TASOR2: variants seen among roughly 807,000 people sequenced by gnomAD.
The protein encoded by TASOR2 is transcription activation suppressor family member 2.
TASOR2 carries 84 observed loss-of-function variants against 199.5 expected under a neutral mutation model. The observed-to-expected ratio is 0.42, with a 90% CI of 0.35 to 0.50. TASOR2 has a LOEUF of 0.50. TASOR2 is among the 20% of genes least tolerant of loss of function. The pLI is 0.02. For synonymous variants in TASOR2, 1,103 were observed against 1,046.6 expected, an observed-to-expected ratio of 1.05 and a Z score of -1.04; for missense variants, 2,796 against 2,835.9, an observed-to-expected ratio of 0.99 and a Z score of 0.32.
chr10:5,717,166 CACAT>C (rs1215736111), intron 2 of TASOR2, among the ~76,000 whole-genome samples: 1 of 151,896 alleles, frequency 6.6e-6, no homozygotes, highest in Non-Finnish European at 1.5e-5. Context: ...TCTTCAAAAA[CACAT>C]ACACTGGGGT....
intron 8 of TASOR2, among the ~76,000 whole-genome samples, chr10:5,725,483 A>G (rs1477618167): frequency 3.3e-5 from 5 of 151,376 alleles, no homozygotes; most frequent in Admixed American, 2.0e-4. Flanking sequence ...TGTAGTCCCT[A>G]AAGTCTGGCA....
chr10:5,718,817 A>G (rs915025982), intron 3 of TASOR2, among the ~76,000 whole-genome samples: 2 of 150,936 alleles, frequency 1.3e-5, no homozygotes, highest in Non-Finnish European at 2.9e-5. Flanking sequence ...TACAATCACT[A>G]GTTTTCCTCC....
chr10:5,758,842 A>G, intron 17 of TASOR2, 45 bp from the exon 19 acceptor site: 1 of 1,450,268 alleles, frequency 6.9e-7, no homozygotes, highest in Non-Finnish European at 9.7e-7. Context: ...AGCCAAAAGT[A>G]CCTTAAACTT....
intron 18 of TASOR2, among the ~76,000 whole-genome samples, chr10:5,759,269 T>G (rs2797496): frequency 0.31 from 46,877 of 152,024 alleles, 8,035 homozygotes; most frequent in East Asian, 0.6. Flanking sequence ...ACTACAAACT[T>G]TAAAAAATAT....
At position 5,752,780 on chromosome 10, in the gene TASOR2, C is replaced by T. The variant is rs1424791596; in HGVS notation, c.6606+2753C>T. Reference sequence around the variant, plus strand: ...TGGCAAACACCACAGGGAACAGCCTCCTTGTGCCAGAGGGCTGGTCAGAGT... The same window carrying T: ...TGGCAAACACCACAGGGAACAGCCTTCTTGTGCCAGAGGGCTGGTCAGAGT... On this transcript the variant is annotated intron_variant, in intron 15 of 20. Transcript: ENST00000328090. The surrounding 1 kb of genome is among the most constrained non-coding windows in gnomAD (Gnocchi z 4.4). 2.0e-5 allele frequency among the ~76,000 whole-genome samples: 3 copies of T among 152,192 alleles called. No homozygotes were observed.
chr10:5,757,859 T>C (rs891925280), intron 17 of TASOR2, among the ~76,000 whole-genome samples, 186 bp downstream of exon 18: 1 of 152,134 alleles, frequency 6.6e-6, no homozygotes, highest in African/African-American at 2.4e-5. Flanking sequence ...GCAATGCTTT[T>C]CACCTCTTTT....
At chr10:5,755,038 T>A in intron 15 of TASOR2, among the ~76,000 whole-genome samples, 1 of 101,490 alleles carries the variant, frequency 9.9e-6, no homozygotes, top group African/African-American at 3.8e-5. Flanking sequence ...AGAGCAAGAC[T>A]CTTGTCTCAA....
chr10:5,687,619 G>A lies in TASOR2; in HGVS notation c.-288+2444G>A, dbSNP rs758946479. 6.6e-6 allele frequency among the ~76,000 whole-genome samples: 1 copy of A among 152,142 alleles called. No individual in the cohort carries two copies. The highest frequency in any genetic ancestry group is 1.5e-5 in the Non-Finnish European group (1 of 68,018). On this transcript the variant is annotated intron_variant, in intron 1 of 20. Transcript: ENST00000328090. The surrounding 1 kb of genome is among the most constrained non-coding windows in gnomAD (Gnocchi z 4.8). ...TGGATCACTTGAGGTCAGGAGTTAG[G>A]GACCAGCCTGGCCAACATGGTGAAA...
intron 13 of TASOR2, among the ~76,000 whole-genome samples, 184 bp from the exon 15 acceptor site, chr10:5,741,913 G>T (rs1350736326): frequency 6.6e-6 from 1 of 152,154 alleles, no homozygotes; most frequent in Non-Finnish European, 1.5e-5. Flanking sequence ...TGTAAAATGA[G>T]TGGGTTAGAT....
chr10:5,717,390 C>G (rs1252654142), intron 2 of TASOR2, among the ~76,000 whole-genome samples: 1 of 152,134 alleles, frequency 6.6e-6, no homozygotes, highest in East Asian at 1.9e-4. Flanking sequence ...ACCTGGAACC[C>G]AAGCTTCTGA....
intron 3 of TASOR2, among the ~76,000 whole-genome samples, chr10:5,718,891 A>G (rs1365039103): frequency 1.3e-5 from 2 of 152,316 alleles, no homozygotes; most frequent in Non-Finnish European, 2.9e-5. Context: ...AATGCAGATA[A>G]TAAGCATTTC....
At position 5,742,589 on chromosome 10, in the gene TASOR2, T is replaced by TA; in HGVS notation, c.2757+67dup. 1.4e-6 allele frequency: 2 copies of TA among 1,449,678 alleles called. No individual in the cohort carries two copies. The highest frequency in any genetic ancestry group is 1.9e-6 in the Non-Finnish European group (2 of 1,060,214). The allele number at this position is 1,449,678 out of a possible 1,614,324, so 89.8% of individuals were successfully genotyped here. A position where few individuals can be genotyped will look rare whatever the true frequency, so the allele number is the denominator to read the frequency against. ...TTTTGAAGAAAAAAATGTTTATATG[T>TA]AAAATCACATTCAAAACAAGGCATT... On this transcript the variant is annotated intron_variant, in intron 14 of 20. Transcript: ENST00000328090. This position sits in a 1 kb window ranked among gnomAD's most constrained non-coding sequence, Gnocchi z 4.2.
chr10:5,686,938 C>T (rs1029146708), intron 1 of TASOR2, among the ~76,000 whole-genome samples: 1 of 151,880 alleles, frequency 6.6e-6, no homozygotes, highest in Non-Finnish European at 1.5e-5. Context: ...ATTTTTTCTT[C>T]CAGAAGAAAT....
At chr10:5,697,440 A>C (rs767189959) in intron 1 of TASOR2, among the ~76,000 whole-genome samples, 3 of 152,196 alleles carry the variant, frequency 2.0e-5, no homozygotes, top group Non-Finnish European at 4.4e-5. Flanking sequence ...CTATCCAAAG[A>C]GAGAAGTCTC....
chr10:5,756,200 G>A (rs1239917293), intron 15 of TASOR2, among the ~76,000 whole-genome samples: 1 of 152,162 alleles, frequency 6.6e-6, no homozygotes, highest in Admixed American at 6.5e-5. Context: ...CCAAGGGACT[G>A]CTGACTCCAA....
chr10:5,749,063 G>A, exon 15 of TASOR2: 2 of 1,614,132 alleles, frequency 1.2e-6, no homozygotes, highest in Non-Finnish European at 8.5e-7. Flanking sequence ...GAGGACTGGG[G>A]CTGCTCTAGC....
chr10:5,742,418 C>T lies in TASOR2; in HGVS notation c.2649C>T (p.Thr883=). 6.2e-7 allele frequency: 1 copy of T among 1,614,028 alleles called. No homozygotes were observed. ...TTCCTTTCATTAAAACACCACTTAC[C>T]CAAGGCTTGGAACTCTGTGTACAAA... The change falls in exon 14 of 21, where the codon ACC becomes ACT. Residue 883 remains threonine, a synonymous_variant. Transcript: ENST00000328090. The surrounding 1 kb of genome is among the most constrained non-coding windows in gnomAD (Gnocchi z 4.2).
intron 11 of TASOR2, among the ~76,000 whole-genome samples, chr10:5,734,758 T>G (rs2131601542): frequency 8.4e-6 from 1 of 119,220 alleles, no homozygotes; most frequent in African/African-American, 3.2e-5. Flanking sequence ...AGACAGGGTC[T>G]CACTCTTGCC....
intron 18 of TASOR2, among the ~76,000 whole-genome samples, chr10:5,759,889 G>A (rs1238342976): frequency 6.6e-6 from 1 of 152,234 alleles, no homozygotes; most frequent in East Asian, 1.9e-4. Flanking sequence ...ACCATTCACA[G>A]CGGACTTCAG....
Sources: allele counts gnomAD v4.1 joint callset (sites outside exome capture counted in the v4.1 genomes callset), GRCh38; gene constraint gnomAD v4.1.1; non-coding constraint Gnocchi (gnomAD v3.1); transcripts MANE v1.5; gene names NCBI Gene and HGNC (gene_info 2026-07-23, HGNC 2026-07-21).